Variants in CADM2 observed in about 807,000 individuals in gnomAD.
CADM2 encodes cell adhesion molecule 2.
In CADM2, 12 loss-of-function variants were observed where a neutral mutation model predicts 49.8. The ratio of observed to expected loss-of-function variants is 0.24; its 90% CI spans 0.15 to 0.39. CADM2 has a LOEUF of 0.39. CADM2 is among the 10% of genes least tolerant of loss of function. CADM2 has a pLI of 1.00. For synonymous variants in CADM2, 214 were observed against 175.4 expected (o/e 1.22, Z -1.74); for missense variants, 378 against 492.3 (o/e 0.77, Z 2.20).
intron 2 of CADM2, among the ~76,000 whole-genome samples, chr3:85,771,989 T>C (rs1577275770): frequency 6.6e-6 from 1 of 150,768 alleles, no homozygotes; most frequent in East Asian, 2.0e-4. Context: ...TGCTGTAGTA[T>C]TGTATTTTTT....
intron 1 of CADM2, among the ~76,000 whole-genome samples, chr3:85,508,837 ATGTG>A (rs10524905): frequency 0.39 from 57,646 of 149,614 alleles, 12,233 homozygotes; most frequent in Non-Finnish European, 0.48. Flanking sequence ...CTGTGTGTGT[ATGTG>A]TGTGTGTGTG....
chr3:85,111,592 T>C (rs1432173684), intron 1 of CADM2, among the ~76,000 whole-genome samples: 2 of 151,768 alleles, frequency 1.3e-5, no homozygotes, highest in African/African-American at 2.4e-5. Flanking sequence ...ACAGAGAGTG[T>C]AGAAAGATGA....
intron 1 of CADM2, among the ~76,000 whole-genome samples, chr3:85,569,003 C>A (rs1355003596): frequency 6.6e-6 from 1 of 152,148 alleles, no homozygotes; most frequent in Non-Finnish European, 1.5e-5. Flanking sequence ...CCAGTTGCCA[C>A]CCCATGGTAA....
At chr3:85,784,529 TTTATC>T (rs1178850817) in intron 2 of CADM2, among the ~76,000 whole-genome samples, 4,954 of 136,602 alleles carry the variant, frequency 0.036, 280 homozygotes, top group African/African-American at 0.13. Context: ...TCTAAATATA[TTTATC>T]TATCTATCTA....
intron 1 of CADM2, among the ~76,000 whole-genome samples, chr3:85,254,941 C>A (rs72917150): frequency 6.6e-6 from 1 of 151,972 alleles, no homozygotes; most frequent in African/African-American, 2.4e-5. Flanking sequence ...ATTATCCCTG[C>A]GAGTCAGCCT....
At chr3:85,880,098 C>T (rs554833092) in intron 3 of CADM2, among the ~76,000 whole-genome samples, 12 of 152,160 alleles carry the variant, frequency 7.9e-5, no homozygotes, top group Admixed American at 2.6e-4. Context: ...AAATGGATTC[C>T]GTCTTTATTT....
intron 1 of CADM2, among the ~76,000 whole-genome samples, chr3:85,393,612 G>A (rs2034623463): frequency 6.6e-6 from 1 of 152,126 alleles, no homozygotes. Context: ...TGGAAGAGGT[G>A]GCATATTAGA....
intron 1 of CADM2, among the ~76,000 whole-genome samples, chr3:85,667,950 T>G (rs2065620935): frequency 6.6e-6 from 1 of 152,008 alleles, no homozygotes; most frequent in Non-Finnish European, 1.5e-5. Context: ...AAATGCCAGC[T>G]CTTACTATCT....
At chr3:85,093,442 G>A (rs961868709) in intron 1 of CADM2, among the ~76,000 whole-genome samples, 6 of 144,636 alleles carry the variant, frequency 4.1e-5, no homozygotes, top group African/African-American at 1.3e-4. Context: ...GTTTGAACAC[G>A]GGAGGTGGAG....
chr3:85,958,482 A>G (rs1724344320), intron 7 of CADM2, among the ~76,000 whole-genome samples: 1 of 151,918 alleles, frequency 6.6e-6, no homozygotes, highest in East Asian at 1.9e-4. Context: ...GTTCTAATAT[A>G]AAGACACAAA....
chr3:85,142,754 A>G (rs954329642), intron 1 of CADM2, among the ~76,000 whole-genome samples: 1 of 152,190 alleles, frequency 6.6e-6, no homozygotes, highest in African/African-American at 2.4e-5. Context: ...GAAAATGAAT[A>G]GGGCATGGCA....
At chr3:85,157,547 C>A (rs1385848627) in intron 1 of CADM2, among the ~76,000 whole-genome samples, 1 of 152,098 alleles carries the variant, frequency 6.6e-6, no homozygotes, top group Non-Finnish European at 1.5e-5. Flanking sequence ...ATATCTACAA[C>A]TATCTGATCT....
At chr3:85,346,421 A>C (rs1473715735) in intron 1 of CADM2, among the ~76,000 whole-genome samples, 3 of 152,194 alleles carry the variant, frequency 2.0e-5, no homozygotes, top group Non-Finnish European at 4.4e-5. Context: ...CAGGCAACAT[A>C]AAAACACAGA....
rs540809377 is a variant in CADM2 at position 86,001,366 on chromosome 3, T to C, written c.970+39719T>C. On this transcript the variant is annotated intron_variant, in intron 8 of 9. Transcript: ENST00000383699. Reference sequence around the variant, plus strand: ...AGCTTGGGTTCATGCCAGAAGAATATACAAAGAGCAGATAACATAGTCCTT... The same window carrying C: ...AGCTTGGGTTCATGCCAGAAGAATACACAAAGAGCAGATAACATAGTCCTT... Among the ~76,000 whole-genome samples, 5 of 152,204 alleles carry C rather than the reference T, an allele frequency of 3.3e-5. No individual in the cohort carries two copies. The East Asian group carries it at 9.7e-4, about 29-fold the overall frequency.
At chr3:85,590,639 A>G (rs1452981561) in intron 1 of CADM2, among the ~76,000 whole-genome samples, 1 of 151,968 alleles carries the variant, frequency 6.6e-6, no homozygotes, top group Non-Finnish European at 1.5e-5. Flanking sequence ...ATAAACATTT[A>G]GGGACAAGAA....
intron 1 of CADM2, among the ~76,000 whole-genome samples, chr3:85,377,365 T>G (rs1203722042): frequency 1.3e-5 from 2 of 152,028 alleles, no homozygotes; most frequent in Non-Finnish European, 2.9e-5. Context: ...GGAAGGACCT[T>G]CTGTGGCTTT....
intron 1 of CADM2, among the ~76,000 whole-genome samples, chr3:85,251,150 T>C (rs575533115): frequency 6.6e-6 from 1 of 151,926 alleles, no homozygotes; most frequent in African/African-American, 2.4e-5. Flanking sequence ...TTATTGAATA[T>C]GCATTTTTTC....
At chr3:85,443,219 A>T (rs2037292354) in intron 1 of CADM2, among the ~76,000 whole-genome samples, 1 of 152,128 alleles carries the variant, frequency 6.6e-6, no homozygotes, top group Non-Finnish European at 1.5e-5. Flanking sequence ...TTAAATTATG[A>T]ATTGTTAACC....
At chr3:85,023,051 A>C (rs888090811) in intron 1 of CADM2, among the ~76,000 whole-genome samples, 6 of 152,144 alleles carry the variant, frequency 3.9e-5, no homozygotes, top group Non-Finnish European at 8.8e-5. Flanking sequence ...AATTGCTCAG[A>C]ATAATTTATA....
Sources: allele counts gnomAD v4.1 joint callset (sites outside exome capture counted in the v4.1 genomes callset), GRCh38; gene constraint gnomAD v4.1.1; transcripts MANE v1.5; gene names NCBI Gene and HGNC (gene_info 2026-07-23, HGNC 2026-07-21).